The following PAM variants were observed in gnomAD, a reference collection of about 807,000 sequenced individuals.
PAM encodes peptidyl-glycine alpha-amidating monooxygenase.
Under a neutral mutation model 122.1 loss-of-function variants are expected in PAM, and 72 were observed. That is an observed-to-expected ratio of 0.59 (90% CI 0.49 to 0.72). The LOEUF (loss-of-function observed/expected upper bound fraction) is 0.72, where lower values mean the gene tolerates loss of function less well. Ranked by LOEUF, PAM falls within the 30% of genes least tolerant of loss-of-function variation. The probability of loss-of-function intolerance (pLI) is 0.00; values close to 1 mark genes in which losing one functional copy is unlikely to be tolerated. For synonymous variants in PAM, 389 were observed against 404.4 expected, an observed-to-expected ratio of 0.96 and a Z score of 0.46; for missense variants, 1,106 against 1,183.7, an observed-to-expected ratio of 0.93 and a Z score of 0.96.
intron 1 of PAM, among the ~76,000 whole-genome samples, chr5:102,799,177 A>G (rs2150070919): frequency 6.6e-6 from 1 of 152,370 alleles, no homozygotes; most frequent in Non-Finnish European, 1.5e-5. Flanking sequence ...AGATTACTTA[A>G]TCACTAAATC....
chr5:102,765,924 C>T (rs764507001), intron 1 of PAM, among the ~76,000 whole-genome samples: 66 of 152,100 alleles, frequency 4.3e-4, no homozygotes, highest in Non-Finnish European at 6.9e-4. Context: ...ATTTCCAATT[C>T]GTCACATTCA....
In PAM at chr5:103,025,204, A is replaced by G. The variant is rs1303780319; in HGVS notation, c.2559A>G (p.Lys853=). 2 of 1,613,714 alleles carry G rather than the reference A, an allele frequency of 1.2e-6. No individual in the cohort carries two copies. Among genetic ancestry groups the G allele is most frequent in the African/African-American group, 1.3e-5 (1 of 74,896 alleles). Residue 853 remains lysine, a synonymous_variant, in exon 24 of 26, where the codon AAA becomes AAG. Coordinates refer to ENST00000438793, the MANE Select transcript of PAM (RefSeq NM_001177306.2). ...TSSELQKMQE[K]QKLIKEPGSG... is the part of the protein sequence containing the mutation. ...CAGAATTGCAGAAGATGCAAGAGAA[A>G]CAGAAACTGATCAAAGAGCCAGGCT...
chr5:103,010,678 T>C (rs889295048), intron 21 of PAM, among the ~76,000 whole-genome samples: 1 of 152,260 alleles, frequency 6.6e-6, no homozygotes, highest in African/African-American at 2.4e-5. Context: ...ACCAAGTTTA[T>C]ATCTTGACAC....
intron 5 of PAM, among the ~76,000 whole-genome samples, chr5:102,915,806 C>T (rs549417153): frequency 6.6e-6 from 1 of 152,212 alleles, no homozygotes; most frequent in East Asian, 1.9e-4. Flanking sequence ...GAAAAATTAT[C>T]TAAAATGAGC....
chr5:102,871,712 T>A (rs1319634288), intron 3 of PAM, among the ~76,000 whole-genome samples: 2 of 146,976 alleles, frequency 1.4e-5, no homozygotes, highest in Non-Finnish European at 3.0e-5. Context: ...AATATATATA[T>A]TATATATAAT....
At chr5:102,809,476 A>C (rs568696525) in intron 1 of PAM, among the ~76,000 whole-genome samples, 6 of 152,198 alleles carry the variant, frequency 3.9e-5, no homozygotes, top group Non-Finnish European at 8.8e-5. Flanking sequence ...ACAAGAGTAG[A>C]GTGGATGGAC....
rs7737326 is a variant in PAM at position 102,879,998 on chromosome 5, T to A, written c.210+12605T>A. Among the ~76,000 whole-genome samples the A allele has an allele frequency of 5.2e-3, 789 of 152,324 alleles. 2 individuals are homozygous for A. Among genetic ancestry groups the A allele is most frequent in the Non-Finnish European group, 9.2e-3 (629 of 68,016 alleles). ...TCCCCATTGTTAAGTGGCCTATGAC[T>A]GGCTGGGTGCCGTGGCTCACGTCTG... is the stretch of plus-strand genomic sequence containing the variant. On this transcript the variant is annotated intron_variant, in intron 3 of 25. Coordinates refer to ENST00000438793, the MANE Select transcript of PAM (RefSeq NM_001177306.2).
chr5:102,926,513 G>T (rs539003196), intron 6 of PAM, 72 bp from the exon 7 acceptor site: 11 of 829,964 alleles, frequency 1.3e-5, no homozygotes, highest in South Asian at 1.2e-4. Context: ...GGAGTTCATA[G>T]AACAGCAATT....
intron 1 of PAM, among the ~76,000 whole-genome samples, chr5:102,853,676 G>C (rs1010569035): frequency 6.6e-6 from 1 of 152,168 alleles, no homozygotes. Context: ...TAGACAGGGG[G>C]AACCAAAGTT....
chr5:102,763,502 C>A, intron 1 of PAM, among the ~76,000 whole-genome samples: 1 of 152,026 alleles, frequency 6.6e-6, no homozygotes, highest in Non-Finnish European at 1.5e-5. Context: ...ACAGCAACAA[C>A]AACAACAACA....
At chr5:102,842,274 T>C (rs1297948087) in intron 1 of PAM, among the ~76,000 whole-genome samples, 2 of 151,596 alleles carry the variant, frequency 1.3e-5, no homozygotes, top group African/African-American at 4.9e-5. Flanking sequence ...AGAATATTAA[T>C]ATGGTTTGGC....
Position 102,810,175 on chromosome 5 carries a change from AGC to A in PAM, c.-374+54828_-374+54829del, listed in dbSNP as rs1417338318. Among the ~76,000 whole-genome samples, 325 of 152,266 alleles carry A rather than the reference AGC, an allele frequency of 2.1e-3. 1 individual carries two copies. The highest frequency in any genetic ancestry group is 7.5e-3 in the African/African-American group (310 of 41,540). The stretch of plus-strand genomic sequence containing the variant: ...ACATAATTTAATTTCTTCAATAACT[AGC>A]TCTTTGTAGTAATAATTACGAAATA... On this transcript the variant is annotated intron_variant, in intron 1 of 25. Coordinates refer to ENST00000438793, the MANE Select transcript of PAM (RefSeq NM_001177306.2).
At chr5:102,787,006 C>T (rs539319094) in intron 1 of PAM, among the ~76,000 whole-genome samples, 1 of 152,120 alleles carries the variant, frequency 6.6e-6, no homozygotes, top group Non-Finnish European at 1.5e-5. Context: ...AAAAATCTTA[C>T]TCTCCCATCT....
At chr5:102,885,101 A>ATATATATATATATATAT (rs1561760697) in intron 3 of PAM, among the ~76,000 whole-genome samples, 3 of 151,438 alleles carry the variant, frequency 2.0e-5, no homozygotes, top group South Asian at 2.1e-4. Context: ...ATATAACTAT[A>ATATATATATATATATAT]AAAGCTTTAC....
At chr5:102,767,153 TA>T (rs1352205430) in intron 1 of PAM, among the ~76,000 whole-genome samples, 1 of 151,826 alleles carries the variant, frequency 6.6e-6, no homozygotes, top group East Asian at 1.9e-4. Context: ...CCTTTGGTTA[TA>T]AAAATTTACT....
At chr5:102,893,814 G>A (rs1418771858) in intron 3 of PAM, among the ~76,000 whole-genome samples, 1 of 151,710 alleles carries the variant, frequency 6.6e-6, no homozygotes. Flanking sequence ...ATTCTTGCTG[G>A]AGTCTGTGTA....
chr5:102,818,497 T>C (rs934461656), intron 1 of PAM, among the ~76,000 whole-genome samples: 2 of 152,034 alleles, frequency 1.3e-5, no homozygotes, highest in Admixed American at 1.3e-4. Flanking sequence ...CCCAGTGACG[T>C]CTTGGTGGCA....
chr5:102,877,872 T>A (rs1222809278), intron 3 of PAM, among the ~76,000 whole-genome samples: 2 of 151,694 alleles, frequency 1.3e-5, no homozygotes, highest in African/African-American at 4.8e-5. Flanking sequence ...CTACAAAAAT[T>A]TAAAACAATT....
intron 1 of PAM, among the ~76,000 whole-genome samples, chr5:102,830,856 C>T (rs1184692074): frequency 1.3e-5 from 2 of 151,766 alleles, no homozygotes; most frequent in Admixed American, 6.6e-5. Context: ...GTGATAGGAA[C>T]ATTAGACTTC....
Sources: allele counts gnomAD v4.1 joint callset (sites outside exome capture counted in the v4.1 genomes callset), GRCh38; gene constraint gnomAD v4.1.1; transcripts MANE v1.5; gene names NCBI Gene and HGNC (gene_info 2026-07-23, HGNC 2026-07-21).